Variants in KCNH5 observed in about 807,000 individuals in gnomAD.
The protein encoded by KCNH5 is potassium voltage-gated channel subfamily H member 5, also known as voltage-gated delayed rectifier potassium channel KCNH5.
Under a neutral mutation model 96.1 loss-of-function variants are expected in KCNH5, and 46 were observed. The observed-to-expected ratio is 0.48, with a 90% CI of 0.38 to 0.61. The LOEUF is 0.61. Ranked by LOEUF, KCNH5 falls within the 20% of genes least tolerant of loss-of-function variation. The pLI is 0.00. For missense variants in KCNH5, 907 were observed against 1,225.8 expected (o/e 0.74, Z 3.88); for synonymous variants, 439 against 449.8 (o/e 0.98, Z 0.30).
chr14:63,001,509 C>G, intron 3 of KCNH5, 50 bp from the exon 4 acceptor site: 1 of 1,542,302 alleles, frequency 6.5e-7, no homozygotes, highest in Non-Finnish European at 8.7e-7. Context: ...GGCACGGCCA[C>G]AGCAGTGGTT....
chr14:62,803,491 G>A (rs920243100), intron 8 of KCNH5, among the ~76,000 whole-genome samples: 6 of 152,182 alleles, frequency 3.9e-5, no homozygotes, highest in African/African-American at 1.4e-4. Flanking sequence ...TGGGTGGTTG[G>A]AAATGTCAGT....
intron 10 of KCNH5, among the ~76,000 whole-genome samples, chr14:62,770,790 G>C (rs1329613859): frequency 6.6e-6 from 1 of 152,006 alleles, no homozygotes; most frequent in East Asian, 1.9e-4. Context: ...CACTCCAGCT[G>C]TAAGTTTTGA....
intron 10 of KCNH5, among the ~76,000 whole-genome samples, chr14:62,777,184 T>C (rs896039357): frequency 1.3e-5 from 2 of 152,254 alleles, no homozygotes; most frequent in African/African-American, 2.4e-5. Flanking sequence ...TATAAATTGT[T>C]GACAGTGTTT....
chr14:62,769,778 A>G (rs1360115643), intron 10 of KCNH5, among the ~76,000 whole-genome samples: 6 of 152,206 alleles, frequency 3.9e-5, no homozygotes, highest in African/African-American at 1.2e-4. Context: ...TTCACGTTTC[A>G]TTCATTCATT....
intron 7 of KCNH5, among the ~76,000 whole-genome samples, chr14:62,908,782 ATTTTTTTTTT>A (rs71120241): frequency 2.1e-3 from 50 of 23,714 alleles, no homozygotes; most frequent in African/African-American, 7.9e-3. Flanking sequence ...TTTGCTTTGT[ATTTTTTTTTT>A]TTTTTTTTTT....
chr14:62,755,358 C>G (rs753211595), intron 10 of KCNH5, among the ~76,000 whole-genome samples: 2 of 152,110 alleles, frequency 1.3e-5, no homozygotes, highest in Non-Finnish European at 2.9e-5. Context: ...TGTCTAGACA[C>G]ATACGACCTG....
At position 62,997,899 on chromosome 14, in the gene KCNH5, CAAAAAA is replaced by C. The variant is rs568941043; in HGVS notation, c.433+3426_433+3431del. 2.1e-4 allele frequency among the ~76,000 whole-genome samples: 13 copies of C among 60,828 alleles called. 1 individual carries two copies. Among genetic ancestry groups the C allele is most frequent in the East Asian group, 7.6e-4 (2 of 2,644 alleles). 39.9% of individuals were successfully genotyped at this position (60,828 alleles called of 152,430 possible). A position where few individuals can be genotyped will look rare whatever the true frequency, so the allele number is the denominator to read the frequency against. Reference sequence around the variant, plus strand: ...TGGGGGACAGAGCCAGACTCCATCTCAAAAAAAAAAAAAAAAAAAAATTAAAAAAAA... The same window carrying C: ...TGGGGGACAGAGCCAGACTCCATCTCAAAAAAAAAAAAAAATTAAAAAAAA... On this transcript the variant is annotated intron_variant, in intron 4 of 10. Coordinates refer to ENST00000322893, the MANE Select transcript of KCNH5 (RefSeq NM_139318.5).
chr14:62,912,037 CAAA>C (rs1163755853), intron 7 of KCNH5, among the ~76,000 whole-genome samples: 2 of 79,666 alleles, frequency 2.5e-5, no homozygotes, highest in Admixed American at 1.5e-4. Context: ...GACTCCTAAT[CAAA>C]AAAAAAAAAA....
At chr14:62,989,794 G>T (rs562244746) in intron 4 of KCNH5, among the ~76,000 whole-genome samples, 67 of 152,142 alleles carry the variant, frequency 4.4e-4, no homozygotes, top group African/African-American at 1.6e-3. Flanking sequence ...TTAAAAATCA[G>T]ATATAAAATA....
intron 1 of KCNH5, among the ~76,000 whole-genome samples, chr14:63,021,909 A>T (rs1310398827): frequency 6.6e-6 from 1 of 152,116 alleles, no homozygotes; most frequent in Non-Finnish European, 1.5e-5. Flanking sequence ...TATACATTAG[A>T]GTGCCTTCTT....
intron 8 of KCNH5, among the ~76,000 whole-genome samples, chr14:62,819,684 GCATGGAGGAGGCTT>G (rs1303238453): frequency 6.6e-6 from 1 of 152,102 alleles, no homozygotes; most frequent in Non-Finnish European, 1.5e-5. Context: ...CCTGAACAAG[GCATGGAGGAGGCTT>G]CAGAGGACAT....
intron 10 of KCNH5, among the ~76,000 whole-genome samples, chr14:62,719,155 C>T (rs116008765): frequency 0.012 from 1,810 of 152,262 alleles, 31 homozygotes; most frequent in African/African-American, 0.041. Context: ...TTTGTGAATA[C>T]ACTAAAAAAT....
At chr14:63,006,982 T>C (rs193237952) in intron 2 of KCNH5, among the ~76,000 whole-genome samples, 8 of 152,248 alleles carry the variant, frequency 5.3e-5, no homozygotes, top group African/African-American at 1.9e-4. Context: ...AAGCAGTAAG[T>C]AGCCAACAAA....
At chr14:62,957,081 A>C (rs1304186759) in intron 6 of KCNH5, among the ~76,000 whole-genome samples, 1 of 152,204 alleles carries the variant, frequency 6.6e-6, no homozygotes, top group African/African-American at 2.4e-5. Flanking sequence ...TTCAGCCATC[A>C]GCCTTCCACC....
intron 10 of KCNH5, chr14:62,712,712 C>T (rs1489182420): frequency 1.2e-5 from 9 of 778,792 alleles, no homozygotes; most frequent in Non-Finnish European, 2.2e-5. Context: ...CATGGAGAAC[C>T]ATCCCTGAAA....
chr14:63,015,250 C>T (rs1050391363), intron 2 of KCNH5, among the ~76,000 whole-genome samples: 4 of 152,022 alleles, frequency 2.6e-5, no homozygotes, highest in Non-Finnish European at 4.4e-5. Flanking sequence ...GCTTGACCCA[C>T]CCACTTCAGA....
chr14:62,871,445 G>A (rs575656265), intron 7 of KCNH5, among the ~76,000 whole-genome samples: 12 of 152,236 alleles, frequency 7.9e-5, no homozygotes, highest in African/African-American at 1.9e-4. Context: ...AAGCTATATC[G>A]ATTGAAAGAC....
chr14:62,998,272 C>G (rs1263245778), intron 4 of KCNH5, among the ~76,000 whole-genome samples: 2 of 152,112 alleles, frequency 1.3e-5, no homozygotes, highest in Non-Finnish European at 2.9e-5. Flanking sequence ...TAGAGTTGTT[C>G]GCAGTAGCCC....
chr14:62,917,907 G>A (rs1362840770), intron 7 of KCNH5, among the ~76,000 whole-genome samples: 4 of 152,142 alleles, frequency 2.6e-5, no homozygotes, highest in African/African-American at 9.7e-5. Flanking sequence ...CAAGAATTCA[G>A]TTCCTAATCT....
Sources: gnomAD v4.1 joint callset for allele counts (sites outside exome capture counted in the v4.1 genomes callset) on GRCh38, gnomAD v4.1.1 for gene constraint, MANE v1.5 for transcripts, NCBI Gene and HGNC (gene_info 2026-07-23, HGNC 2026-07-21) for gene names.